The following ABHD12B variants were observed in gnomAD, a reference collection of about 807,000 sequenced individuals.
The protein encoded by ABHD12B is abhydrolase domain containing 12B, also known as protein ABHD12B.
ABHD12B carries 42 observed loss-of-function variants against 50.4 expected under a neutral mutation model. The ratio of observed to expected loss-of-function variants is 0.83; its 90% CI spans 0.65 to 1.08. The LOEUF is 1.08. Ranked by LOEUF, ABHD12B falls within the 50% of genes least tolerant of loss-of-function variation. The probability of loss-of-function intolerance (pLI) is 0.00; values close to 1 mark genes in which losing one functional copy is unlikely to be tolerated. For synonymous variants in ABHD12B, 167 were observed against 160.3 expected (o/e 1.04, Z -0.32); for missense variants, 479 against 447.7 (o/e 1.07, Z -0.63).
chr14:50,881,552 C>A, intron 4 of ABHD12B, 44 bp from the exon 5 acceptor site: 6 of 1,530,832 alleles, frequency 3.9e-6, no homozygotes, highest in South Asian at 2.4e-5. Context: ...TATCATCGTT[C>A]CTAATTCTTG....
At chr14:50,899,803 T>G (rs572384950) in intron 9 of ABHD12B, among the ~76,000 whole-genome samples, 1 of 151,938 alleles carries the variant, frequency 6.6e-6, no homozygotes, top group Non-Finnish European at 1.5e-5. Flanking sequence ...ATGCCTGTAG[T>G]CCCAGCTACT....
intron 9 of ABHD12B, among the ~76,000 whole-genome samples, chr14:50,890,243 AGTTT>A (rs772908633): frequency 2.4e-4 from 37 of 152,176 alleles, no homozygotes; most frequent in Non-Finnish European, 3.5e-4. Context: ...CTTTTTATTT[AGTTT>A]GTTTTTAAAA....
chr14:50,897,455 T>C (rs1338546214), intron 9 of ABHD12B, among the ~76,000 whole-genome samples: 1 of 152,244 alleles, frequency 6.6e-6, no homozygotes. Flanking sequence ...CAATATTGCT[T>C]CTTGACTTAA....
chr14:50,895,822 T>C (rs2050191475), intron 9 of ABHD12B: 1 of 152,212 alleles, frequency 6.6e-6, no homozygotes, highest in Non-Finnish European at 1.5e-5. Flanking sequence ...GTTGTGGGTA[T>C]TGACGGTCAG....
intron 9 of ABHD12B, among the ~76,000 whole-genome samples, chr14:50,900,192 C>T (rs985701038): frequency 1.3e-5 from 2 of 152,108 alleles, no homozygotes; most frequent in Non-Finnish European, 2.9e-5. Context: ...ATGAGCATGC[C>T]ACTGCACCCA....
intron 9 of ABHD12B, among the ~76,000 whole-genome samples, chr14:50,900,896 C>T (rs543431844): frequency 2.0e-5 from 3 of 152,232 alleles, no homozygotes; most frequent in South Asian, 4.1e-4. Context: ...GGGTGTTAAG[C>T]GAAAGAGTGC....
intron 9 of ABHD12B, chr14:50,895,508 G>A (rs1443631297): frequency 1.3e-5 from 2 of 151,604 alleles, no homozygotes; most frequent in Admixed American, 6.6e-5. Flanking sequence ...CTCCTAAGCC[G>A]CGTCCCATCT....
chr14:50,896,525 C>T (rs2050201018), intron 9 of ABHD12B, among the ~76,000 whole-genome samples: 2 of 151,558 alleles, frequency 1.3e-5, no homozygotes, highest in Admixed American at 1.3e-4. Flanking sequence ...GATGACATTC[C>T]ACCATTGTGA....
Position 50,872,240 on chromosome 14 carries a change from C to G in ABHD12B, c.66C>G (p.Cys22Trp). The change falls in exon 1 of 13, where the codon TGC becomes TGG. Residue 22 changes from cysteine (C) to tryptophan (W), a missense_variant. Transcript: ENST00000337334. ...CGCCCGGGCCCCCAGCCCGTAGCTG[C>G]GTGGCCGCCTGGTGGGACATGGTCG... ...PEPPGPPARS[C>W]VAAWWDMVDR... 1 of 1,393,336 alleles carries G rather than the reference C, an allele frequency of 7.2e-7. No individual in the cohort carries two copies. Among genetic ancestry groups the G allele is most frequent in the Non-Finnish European group, 9.3e-7 (1 of 1,070,768 alleles). The allele number at this position is 1,393,336 out of a possible 1,614,324, so 86.3% of individuals were successfully genotyped here.
At chr14:50,878,625 T>G in intron 2 of ABHD12B, 120 bp from the exon 3 acceptor site, 2 of 756,794 alleles carry the variant, frequency 2.6e-6, no homozygotes, top group Non-Finnish European at 4.3e-6. Context: ...GCTAGGAGTT[T>G]AGTGTAGTAG....
At chr14:50,894,362 C>T (rs2050164577) in intron 9 of ABHD12B, among the ~76,000 whole-genome samples, 1 of 151,964 alleles carries the variant, frequency 6.6e-6, no homozygotes, top group South Asian at 2.1e-4. Flanking sequence ...AACCCCTTCT[C>T]TGCTTTTCTG....
chr14:50,888,786 G>T lies in ABHD12B; in HGVS notation c.701-38G>T, dbSNP rs45548936. ...TAGGAAAGATGGTATTTGAATAGGG[G>T]AGTTACTGATTTCTTTCTTTCTTTC... On this transcript the variant is annotated intron_variant, in intron 8 of 12. Coordinates refer to ENST00000337334, the MANE Select transcript of ABHD12B (RefSeq NM_001206673.2). The T allele has an allele frequency of 5.7e-3, 8,913 of 1,558,768 alleles. 41 individuals carry two copies. Among genetic ancestry groups the T allele is most frequent in the Non-Finnish European group, 6.4e-3 (7,227 of 1,131,284 alleles).
chr14:50,882,797 C>G (rs2049975994), intron 5 of ABHD12B, among the ~76,000 whole-genome samples: 1 of 151,696 alleles, frequency 6.6e-6, no homozygotes, highest in African/African-American at 2.4e-5. Flanking sequence ...TTAATGAGAC[C>G]CTGTCTCTAC....
chr14:50,898,804 A>T (rs1341836219), intron 9 of ABHD12B, among the ~76,000 whole-genome samples: 4 of 152,234 alleles, frequency 2.6e-5, no homozygotes, highest in Non-Finnish European at 5.9e-5. Flanking sequence ...AAAGAGAAGG[A>T]AAGGCTGTGT....
At chr14:50,904,046 C>T (rs2050298529) in intron 11 of ABHD12B, 28 bp from the exon 12 acceptor site, 3 of 1,573,770 alleles carry the variant, frequency 1.9e-6, no homozygotes, top group Non-Finnish European at 1.7e-6. Flanking sequence ...GAATGGCCAT[C>T]CTTTGAGTCT....
intron 5 of ABHD12B, among the ~76,000 whole-genome samples, chr14:50,882,473 T>C (rs1596005416): frequency 7.4e-6 from 1 of 135,348 alleles, no homozygotes; most frequent in African/African-American, 2.8e-5. Context: ...GCCTCCTGGG[T>C]TCATGCCATT....
intron 9 of ABHD12B, among the ~76,000 whole-genome samples, chr14:50,897,687 AT>A (rs931196680): frequency 6.6e-6 from 1 of 152,212 alleles, no homozygotes; most frequent in African/African-American, 2.4e-5. Flanking sequence ...TTGGGTTCAA[AT>A]CTGTCCTTGG....
chr14:50,883,579 C>A (rs1231587113), intron 5 of ABHD12B, among the ~76,000 whole-genome samples: 2 of 152,254 alleles, frequency 1.3e-5, no homozygotes, highest in African/African-American at 2.4e-5. Context: ...TGAGAATGTG[C>A]GTGCTTTTCC....
rs567117804 is a variant in ABHD12B, at chr14:50,882,231, C to T, written c.486+605C>T. Reference sequence around the variant, plus strand: ...GATTACAGGCGCGAACCACCTCACCCGGCTGACGTTTTTATTTGCTTTCTC... The same window carrying T: ...GATTACAGGCGCGAACCACCTCACCTGGCTGACGTTTTTATTTGCTTTCTC... On this transcript the variant is annotated intron_variant, in intron 5 of 12. Transcript: ENST00000337334. Among the ~76,000 whole-genome samples, 4 of 134,810 alleles carry T rather than the reference C, an allele frequency of 3.0e-5. No individual in the cohort carries two copies. In the South Asian group the frequency reaches 7.3e-4, roughly 25 times the overall value. The allele number at this position is 134,810 out of a possible 152,430, so 88.4% of individuals were successfully genotyped here.
Sources: allele counts gnomAD v4.1 joint callset (sites outside exome capture counted in the v4.1 genomes callset), GRCh38; gene constraint gnomAD v4.1.1; transcripts MANE v1.5; gene names NCBI Gene and HGNC (gene_info 2026-07-23, HGNC 2026-07-21).